The following GAS7 variants were observed in gnomAD, a reference collection of about 807,000 sequenced individuals.
The protein encoded by GAS7 is growth arrest specific 7, also known as growth arrest-specific protein 7.
In GAS7, 28 loss-of-function variants were observed where a neutral mutation model predicts 71.1. The ratio of observed to expected loss-of-function variants is 0.39; its 90% CI spans 0.29 to 0.54. The LOEUF is 0.54. GAS7 is among the 20% of genes least tolerant of loss of function. GAS7 has a pLI of 0.62. For synonymous variants in GAS7, 258 were observed against 245.8 expected, an observed-to-expected ratio of 1.05 and a Z score of -0.46; for missense variants, 436 against 627.8, an observed-to-expected ratio of 0.69 and a Z score of 3.27.
At chr17:10,070,959 T>C (rs1471422709) in intron 1 of GAS7, among the ~76,000 whole-genome samples, 1 of 151,586 alleles carries the variant, frequency 6.6e-6, no homozygotes, top group East Asian at 2.0e-4. Flanking sequence ...CAATTACTTT[T>C]GCACCAACCT....
intron 1 of GAS7, among the ~76,000 whole-genome samples, chr17:10,123,630 C>T (rs2073921958): frequency 6.6e-6 from 1 of 152,230 alleles, no homozygotes; most frequent in South Asian, 2.1e-4. Flanking sequence ...TCTCTCAGCA[C>T]TTTTGGGGTC....
intron 1 of GAS7, among the ~76,000 whole-genome samples, chr17:10,124,162 C>T (rs1045772211): frequency 1.3e-5 from 2 of 152,224 alleles, no homozygotes; most frequent in Non-Finnish European, 2.9e-5. Flanking sequence ...GGGCTCCCCG[C>T]GCGGCTCCCA....
At chr17:10,087,600 A>T (rs1378256546) in intron 1 of GAS7, among the ~76,000 whole-genome samples, 1 of 152,218 alleles carries the variant, frequency 6.6e-6, no homozygotes, top group East Asian at 1.9e-4. Flanking sequence ...CTTCCTTACC[A>T]CAGGGGACTG....
chr17:10,112,618 C>T (rs1028591670), intron 1 of GAS7, among the ~76,000 whole-genome samples: 2 of 151,950 alleles, frequency 1.3e-5, no homozygotes, highest in African/African-American at 4.8e-5. Flanking sequence ...GCCTGTAATC[C>T]CAGCTACTCA....
intron 1 of GAS7, among the ~76,000 whole-genome samples, chr17:10,038,622 C>T (rs1394096595): frequency 6.6e-6 from 1 of 151,842 alleles, no homozygotes; most frequent in South Asian, 2.1e-4. Context: ...TCACAAGAGC[C>T]AGAAGGTGGA....
chr17:10,082,082 GA>G (rs745777866), intron 1 of GAS7, among the ~76,000 whole-genome samples: 1 of 151,552 alleles, frequency 6.6e-6, no homozygotes, highest in Non-Finnish European at 1.5e-5. Flanking sequence ...GCACCAACAC[GA>G]AAAAAACTCA....
intron 5 of GAS7, among the ~76,000 whole-genome samples, chr17:9,954,516 A>G (rs1392131732): frequency 6.6e-6 from 1 of 152,110 alleles, no homozygotes; most frequent in African/African-American, 2.4e-5. Context: ...TGGGAGCAGC[A>G]TAGTCAAGAG....
intron 1 of GAS7, among the ~76,000 whole-genome samples, chr17:10,134,851 T>A (rs75692641): frequency 1.3e-5 from 2 of 151,880 alleles, no homozygotes; most frequent in South Asian, 4.2e-4. Context: ...TTTTTTTTTT[T>A]AAGACAGTCT....
chr17:10,083,928 T>C (rs549921685), intron 1 of GAS7, among the ~76,000 whole-genome samples: 1 of 152,174 alleles, frequency 6.6e-6, no homozygotes. Context: ...GGAAGACAAG[T>C]TCTCAGTCTG....
chr17:10,046,467 G>T (rs898901403), intron 1 of GAS7, among the ~76,000 whole-genome samples: 1 of 151,514 alleles, frequency 6.6e-6, no homozygotes, highest in African/African-American at 2.4e-5. Context: ...CGCTGGGCGC[G>T]GTGGCTCACA....
intron 1 of GAS7, among the ~76,000 whole-genome samples, chr17:10,122,051 G>A (rs566637512): frequency 1.3e-5 from 2 of 152,198 alleles, no homozygotes; most frequent in South Asian, 4.2e-4. Flanking sequence ...CACTCAAACG[G>A]CACACACCAA....
At chr17:9,995,815 T>C (rs939958634) in intron 2 of GAS7, among the ~76,000 whole-genome samples, 1 of 152,172 alleles carries the variant, frequency 6.6e-6, no homozygotes, top group African/African-American at 2.4e-5. Context: ...GGAGCACTTT[T>C]CATTAGAGGG....
intron 1 of GAS7, among the ~76,000 whole-genome samples, chr17:10,045,338 T>C (rs1478177039): frequency 6.6e-6 from 1 of 152,218 alleles, no homozygotes. Flanking sequence ...AGCCAGTTTC[T>C]TGTACATATC....
intron 2 of GAS7, among the ~76,000 whole-genome samples, chr17:10,012,773 A>G (rs2152192706): frequency 6.6e-6 from 1 of 152,248 alleles, no homozygotes; most frequent in South Asian, 2.1e-4. Flanking sequence ...TGACTAAGTC[A>G]TGCAGGCTCC....
At position 9,982,861 on chromosome 17, in the gene GAS7, G is replaced by GAAAGAAAGAAAGAAAGAAAGAAAGAAAGC. The variant is rs1555611388; in HGVS notation, c.305-978_305-977insGCTTTCTTTCTTTCTTTCTTTCTTTCTTT. 2.1e-5 allele frequency among the ~76,000 whole-genome samples: 3 copies of GAAAGAAAGAAAGAAAGAAAGAAAGAAAGC among 144,098 alleles called. 1 individual carries two copies. The highest frequency in any genetic ancestry group is 1.5e-5 in the Non-Finnish European group (1 of 64,644). 94.5% of individuals were successfully genotyped at this position (144,098 alleles called of 152,430 possible). A position where few individuals can be genotyped will look rare whatever the true frequency, so the allele number is the denominator to read the frequency against. On this transcript the variant is annotated intron_variant, in intron 2 of 13. Transcript: ENST00000432992. Reference sequence around the variant, plus strand: ...AGAAAGAAAGAAAGAAAGAAAGAAAGAAAGAAAGCAAAGAAAGCAAAGAAA... The same window carrying GAAAGAAAGAAAGAAAGAAAGAAAGAAAGC: ...AGAAAGAAAGAAAGAAAGAAAGAAAGAAAGAAAGAAAGAAAGAAAGAAAGAAAGCAAAGAAAGCAAAGAAAGCAAAGAAA...
chr17:10,155,831 T>C (rs2074201115), intron 1 of GAS7, among the ~76,000 whole-genome samples: 2 of 152,228 alleles, frequency 1.3e-5, no homozygotes, highest in South Asian at 4.1e-4. Context: ...AATGGTCCTA[T>C]TTCCAGATGA....
chr17:10,188,924 A>T (rs1191634938), intron 1 of GAS7, among the ~76,000 whole-genome samples: 12 of 152,196 alleles, frequency 7.9e-5, no homozygotes. Context: ...GATTATAGGC[A>T]TGAGCCACCA....
chr17:9,954,790 T>C (rs3786105), intron 5 of GAS7, among the ~76,000 whole-genome samples: 2,812 of 152,122 alleles, frequency 0.018, 191 homozygotes, highest in East Asian at 0.16. Context: ...AAAAGATCAA[T>C]GGTGCTGAGG....
At position 10,062,508 on chromosome 17, in the gene GAS7, A is replaced by AAAAT. The variant is rs10655468; in HGVS notation, c.184-42615_184-42612dup. Among the ~76,000 whole-genome samples, 1,498 of 152,320 alleles carry AAAAT rather than the reference A, an allele frequency of 9.8e-3. 22 individuals carry two copies. The highest frequency in any genetic ancestry group is 0.034 in the African/African-American group (1,395 of 41,576). On this transcript the variant is annotated intron_variant, in intron 1 of 13. Coordinates refer to ENST00000432992, the MANE Select transcript of GAS7 (RefSeq NM_201433.2). The stretch of plus-strand genomic sequence containing the variant: ...TCAAAAATAAAATAAAATAGAAAAT[A>AAAAT]AAATAAGTTCTACAACTGATCGAGA...
Sources: allele counts gnomAD v4.1 joint callset (sites outside exome capture counted in the v4.1 genomes callset), GRCh38; gene constraint gnomAD v4.1.1; transcripts MANE v1.5; gene names NCBI Gene and HGNC (gene_info 2026-07-23, HGNC 2026-07-21).